Variants in ATP2C1 observed in about 807,000 individuals in gnomAD.
ATP2C1 encodes calcium-transporting ATPase type 2C member 1.
A neutral mutation model predicts 120.5 loss-of-function variants in ATP2C1; 31 were observed. The ratio of observed to expected loss-of-function variants is 0.26; its 90% CI spans 0.19 to 0.35. The LOEUF is 0.35. Ranked by LOEUF, ATP2C1 falls within the 10% of genes least tolerant of loss-of-function variation. ATP2C1 has a pLI of 1.00. For missense variants in ATP2C1, 731 were observed against 1,107.5 expected, an observed-to-expected ratio of 0.66 and a Z score of 4.83; for synonymous variants, 351 against 358.7, an observed-to-expected ratio of 0.98 and a Z score of 0.24.
Position 130,996,663 on chromosome 3 carries a change from ACT to A in ATP2C1, c.2127-12_2127-11del, listed in dbSNP as rs762882639. 12 of 1,470,310 alleles carry A rather than the reference ACT, an allele frequency of 8.2e-6. No homozygotes were observed. Among genetic ancestry groups the A allele is most frequent in the Middle Eastern group, 1.7e-4 (1 of 5,788 alleles). The allele number at this position is 1,470,310 out of a possible 1,614,324, so 91.1% of individuals were successfully genotyped here. A position where few individuals can be genotyped will look rare whatever the true frequency, so the allele number is the denominator to read the frequency against. The stretch of plus-strand genomic sequence containing the variant: ...TTTACTCTACTGATATTTTTAAATG[ACT>A]CTCTTTTTCAACAGGAGTATAGCAG... On this transcript the variant is annotated splice_polypyrimidine_tract_variant and intron_variant, in intron 23 of 27. Coordinates refer to ENST00000510168, the MANE Select transcript of ATP2C1 (RefSeq NM_001378687.1).
At chr3:131,006,518 C>A (rs190179012), downstream of ATP2C1, among the ~76,000 whole-genome samples, 2 of 152,174 alleles carry the variant, frequency 1.3e-5, no homozygotes, top group East Asian at 3.9e-4. Context: ...GACAGTGTTA[C>A]TTTAAGTTGA....
chr3:130,925,143 G>C (rs554044373), intron 2 of ATP2C1, among the ~76,000 whole-genome samples: 4 of 152,148 alleles, frequency 2.6e-5, no homozygotes, highest in Non-Finnish European at 5.9e-5. Flanking sequence ...TGGTGTTAAA[G>C]AACCTTGTTT....
At chr3:130,897,747 G>A (rs183678959) in intron 2 of ATP2C1, among the ~76,000 whole-genome samples, 1 of 152,224 alleles carries the variant, frequency 6.6e-6, no homozygotes, top group Admixed American at 6.5e-5. Flanking sequence ...AACTTTCTCA[G>A]CAAAGCTTGA....
At chr3:130,906,416 A>G (rs1165603069) in intron 2 of ATP2C1, among the ~76,000 whole-genome samples, 1 of 152,138 alleles carries the variant, frequency 6.6e-6, no homozygotes, top group Non-Finnish European at 1.5e-5. Context: ...GTATGGATAT[A>G]CACATTTTGT....
At chr3:130,956,080 G>A (rs754440898) in intron 10 of ATP2C1, 24 bp from the exon 11 acceptor site, 3 of 1,526,548 alleles carry the variant, frequency 2.0e-6, no homozygotes, top group Non-Finnish European at 2.7e-6. Flanking sequence ...TAATTGTGGT[G>A]ACACTCTTCT....
intron 11 of ATP2C1, among the ~76,000 whole-genome samples, chr3:130,956,781 T>G (rs1159604561): frequency 6.6e-6 from 1 of 152,172 alleles, no homozygotes. Flanking sequence ...AGAGTTCTCA[T>G]TATTTGATTT....
At chr3:130,998,460 C>A in intron 26 of ATP2C1, 71 bp downstream of exon 26, 2 of 1,158,414 alleles carry the variant, frequency 1.7e-6, no homozygotes, top group Non-Finnish European at 2.6e-6. Context: ...AATAAGTAGG[C>A]AAAGATTATG....
At chr3:130,988,181 A>G (rs951154105) in intron 20 of ATP2C1, among the ~76,000 whole-genome samples, 1 of 152,134 alleles carries the variant, frequency 6.6e-6, no homozygotes, top group Non-Finnish European at 1.5e-5. Context: ...CTGTCCTAGA[A>G]GATTTGAGGA....
rs1156577443 is a variant in ATP2C1 at position 130,956,186 on chromosome 3, G to A, written c.832+7G>A. 1.9e-6 allele frequency: 3 copies of A among 1,542,472 alleles called. No individual in the cohort carries two copies. The highest frequency in any genetic ancestry group is 2.7e-6 in the Non-Finnish European group (3 of 1,115,884). ...TACTCCTTTGGTATAATAGGTAAGA[G>A]AAGAGTGAGTATGTATATATTTTTA... On this transcript the variant is annotated splice_region_variant and intron_variant, in intron 11 of 27. Transcript: ENST00000510168.
At position 130,907,103 on chromosome 3, in the gene ATP2C1, T is replaced by C. The variant is rs1042127689; in HGVS notation, c.6+12328T>C. Reference sequence around the variant, plus strand: ...GTACACACACACACACACACACACATACGTTTATTCTGGATACTGGATAGG... The same window carrying C: ...GTACACACACACACACACACACACACACGTTTATTCTGGATACTGGATAGG... On this transcript the variant is annotated intron_variant, in intron 2 of 27. Transcript: ENST00000510168. Among the ~76,000 whole-genome samples, 331 of 147,034 alleles carry C rather than the reference T, an allele frequency of 2.3e-3. 4 individuals carry two copies. The highest frequency in any genetic ancestry group is 0.012 in the South Asian group (54 of 4,684).
At chr3:130,993,064 TTA>T in intron 21 of ATP2C1, 63 bp downstream of exon 21, 1 of 1,447,180 alleles carries the variant, frequency 6.9e-7, no homozygotes, top group Non-Finnish European at 9.7e-7. Context: ...TTTACTTTTG[TTA>T]TGTTTGCATT....
chr3:130,897,552 TG>T (rs2069741218), intron 2 of ATP2C1, among the ~76,000 whole-genome samples: 2 of 152,312 alleles, frequency 1.3e-5, no homozygotes, highest in East Asian at 3.9e-4. Flanking sequence ...GTTACATTTG[TG>T]GGTGTGAACA....
chr3:130,986,047 G>A (rs1233173597), intron 20 of ATP2C1, among the ~76,000 whole-genome samples: 3 of 152,122 alleles, frequency 2.0e-5, no homozygotes, highest in Non-Finnish European at 4.4e-5. Context: ...ATTTGGTATT[G>A]CATCTTTCAA....
At chr3:130,899,206 T>TG (rs1305993688) in intron 2 of ATP2C1, among the ~76,000 whole-genome samples, 1 of 152,128 alleles carries the variant, frequency 6.6e-6, no homozygotes, top group Non-Finnish European at 1.5e-5. Flanking sequence ...TTGAACAATG[T>TG]GGGGGTTGGG....
At chr3:130,862,849 T>A (rs903501050) in intron 1 of ATP2C1, among the ~76,000 whole-genome samples, 4 of 152,212 alleles carry the variant, frequency 2.6e-5, no homozygotes, top group Non-Finnish European at 4.4e-5. Context: ...AAGACATACC[T>A]ATGGCCACTT....
intron 2 of ATP2C1, among the ~76,000 whole-genome samples, chr3:130,919,427 C>G (rs553382020): frequency 2.0e-5 from 3 of 151,860 alleles, no homozygotes; most frequent in Non-Finnish European, 4.4e-5. Flanking sequence ...CCATGTTAAC[C>G]AGGCTGTTGT....
chr3:130,872,960 A>G (rs2068483790), intron 1 of ATP2C1, among the ~76,000 whole-genome samples: 2 of 152,194 alleles, frequency 1.3e-5, no homozygotes, highest in Non-Finnish European at 2.9e-5. Context: ...TAATTTCTCC[A>G]GTAATGGTAT....
intron 1 of ATP2C1, among the ~76,000 whole-genome samples, chr3:130,851,285 A>G (rs2067667277): frequency 6.6e-6 from 1 of 152,236 alleles, no homozygotes; most frequent in Non-Finnish European, 1.5e-5. Flanking sequence ...CAGACCCTAG[A>G]AGTACACTTG....
At chr3:130,961,891 A>G (rs1035967491) in intron 12 of ATP2C1, among the ~76,000 whole-genome samples, 3 of 152,058 alleles carry the variant, frequency 2.0e-5, no homozygotes, top group Non-Finnish European at 4.4e-5. Context: ...AATATAAGTG[A>G]AATCTCAAGA....
Sources: allele counts gnomAD v4.1 joint callset (sites outside exome capture counted in the v4.1 genomes callset), GRCh38; gene constraint gnomAD v4.1.1; transcripts MANE v1.5; gene names NCBI Gene and HGNC (gene_info 2026-07-23, HGNC 2026-07-21).